The following LEPR variants were observed in gnomAD, a reference collection of about 807,000 sequenced individuals.
LEPR encodes leptin receptor.
In LEPR, 56 loss-of-function variants were observed where a neutral mutation model predicts 114.7. The observed-to-expected ratio is 0.49, with a 90% CI of 0.39 to 0.61. The LOEUF (loss-of-function observed/expected upper bound fraction) is 0.61, where lower values mean the gene tolerates loss of function less well. Ranked by LOEUF, LEPR falls within the 20% of genes least tolerant of loss-of-function variation. The pLI is 0.00. For synonymous variants in LEPR, 443 were observed against 461.4 expected (o/e 0.96, Z 0.51); for missense variants, 1,202 against 1,352.9 (o/e 0.89, Z 1.75).
intron 2 of LEPR, among the ~76,000 whole-genome samples, chr1:65,505,269 G>T (rs1456946998): frequency 6.6e-6 from 1 of 152,022 alleles, no homozygotes; most frequent in Non-Finnish European, 1.5e-5. Flanking sequence ...ACTGACAAAT[G>T]TATCAAGCAT....
intron 2 of LEPR, among the ~76,000 whole-genome samples, chr1:65,532,349 A>G (rs566179191): frequency 6.6e-6 from 1 of 152,192 alleles, no homozygotes; most frequent in Admixed American, 6.5e-5. Context: ...AGGGGAAAAG[A>G]CAGCAGGGAT....
At chr1:65,432,706 T>C (rs1298792899) in intron 2 of LEPR, 1 of 883,466 alleles carries the variant, frequency 1.1e-6, no homozygotes, top group Non-Finnish European at 1.4e-6. Flanking sequence ...AAAGCCTCAG[T>C]TAGGAGGAAT....
rs543557533 is a variant in LEPR, at chr1:65,532,086, G to A, written c.-20-33460G>A. On this transcript the variant is annotated intron_variant, in intron 2 of 19. Coordinates refer to ENST00000349533, the MANE Select transcript of LEPR (RefSeq NM_002303.6). ...TCTGATGGGTATTATCTCATTAATA[G>A]TTACTACTTTAATTACTGGTGAGAT... 3.9e-5 allele frequency among the ~76,000 whole-genome samples: 6 copies of A among 152,300 alleles called. No individual in the cohort carries two copies. The South Asian group carries it at 1.2e-3, about 32-fold the overall frequency.
intron 2 of LEPR, among the ~76,000 whole-genome samples, chr1:65,453,432 C>T (rs901710426): frequency 6.6e-6 from 1 of 152,078 alleles, no homozygotes; most frequent in African/African-American, 2.4e-5. Flanking sequence ...TATACATTTC[C>T]CTCGACGCAC....
In LEPR at chr1:65,636,917, A is replaced by G. The variant is rs1658737900; in HGVS notation, c.3400A>G (p.Ser1134Gly). 4 of 1,608,092 alleles carry G rather than the reference A, an allele frequency of 2.5e-6. No homozygotes were observed. The African/African-American group carries it at 4.0e-5, about 16-fold the overall frequency. Residue 1134 changes from serine (S) to glycine (G), a missense_variant, in exon 20 of 20, where the codon AGT (serine) becomes GGT (glycine). Ser to Gly is a moderately conservative substitution (Grantham distance 56). Coordinates refer to ENST00000349533, the MANE Select transcript of LEPR (RefSeq NM_002303.6). Reference protein sequence around the residue: ...VENNINLGTSSKKTFASYMPQ... With the variant: ...VENNINLGTSGKKTFASYMPQ... Reference sequence around the variant, plus strand: ...AAATAATATCAACTTAGGAACTTCTAGTAAGAAGACTTTTGCATCTTACAT... The same window carrying G: ...AAATAATATCAACTTAGGAACTTCTGGTAAGAAGACTTTTGCATCTTACAT...
At chr1:65,479,428 G>A (rs1647193510) in intron 2 of LEPR, among the ~76,000 whole-genome samples, 2 of 152,250 alleles carry the variant, frequency 1.3e-5, no homozygotes, top group African/African-American at 2.4e-5. Flanking sequence ...TGAGGAAACC[G>A]AGAGAGGCAG....
chr1:65,571,791 CAAAAAAAAAAAAAAAA>C (rs34139057), intron 4 of LEPR, among the ~76,000 whole-genome samples: 3 of 73,692 alleles, frequency 4.1e-5, no homozygotes, highest in Non-Finnish European at 7.8e-5. Context: ...CCATCTCTAC[CAAAAAAAAAAAAAAAA>C]AAAAAAAAAA....
intron 2 of LEPR, among the ~76,000 whole-genome samples, chr1:65,456,971 C>T (rs1646884701): frequency 6.6e-6 from 1 of 152,022 alleles, no homozygotes; most frequent in Non-Finnish European, 1.5e-5. Flanking sequence ...TTTTCCATAT[C>T]TATTGTATCT....
intron 2 of LEPR, among the ~76,000 whole-genome samples, chr1:65,550,611 C>T (rs975387351): frequency 6.6e-6 from 1 of 152,192 alleles, no homozygotes; most frequent in Non-Finnish European, 1.5e-5. Context: ...GGCGTAGGAC[C>T]CTCCGAACCA....
At chr1:65,444,148 C>T (rs1646684458) in intron 2 of LEPR, among the ~76,000 whole-genome samples, 1 of 29,318 alleles carries the variant, frequency 3.4e-5, no homozygotes, top group Non-Finnish European at 1.0e-4. Flanking sequence ...TGATATTCCC[C>T]TTCCTGTGTC....
chr1:65,457,419 G>T (rs2100358783), intron 2 of LEPR, among the ~76,000 whole-genome samples: 1 of 152,006 alleles, frequency 6.6e-6, no homozygotes, highest in South Asian at 2.1e-4. Context: ...TTCAGTTTTG[G>T]AGGTTTCTAC....
At chr1:65,629,916 G>T (rs1658431844) in intron 19 of LEPR, among the ~76,000 whole-genome samples, 1 of 152,014 alleles carries the variant, frequency 6.6e-6, no homozygotes, top group South Asian at 2.1e-4. Flanking sequence ...TTTCTGGTTA[G>T]TACTGTTTCC....
chr1:65,524,567 C>T (rs1452978736), intron 2 of LEPR, among the ~76,000 whole-genome samples: 1 of 152,176 alleles, frequency 6.6e-6, no homozygotes, highest in East Asian at 1.9e-4. Context: ...AGCCGGGAGT[C>T]GTCGCTTCTG....
At chr1:65,635,185 A>C in intron 19 of LEPR, 1 of 959,052 alleles carries the variant, frequency 1.0e-6, no homozygotes, top group Non-Finnish European at 1.2e-6. Context: ...TAGTTTAAAA[A>C]TTGTAAAATT....
At chr1:65,444,830 A>G (rs1338919999) in intron 2 of LEPR, among the ~76,000 whole-genome samples, 2 of 152,220 alleles carry the variant, frequency 1.3e-5, no homozygotes, top group Admixed American at 1.3e-4. Flanking sequence ...TCATATAGTC[A>G]TTAAGAGTTT....
intron 4 of LEPR, among the ~76,000 whole-genome samples, chr1:65,572,116 A>G (rs1654226405): frequency 6.6e-6 from 1 of 151,788 alleles, no homozygotes; most frequent in Non-Finnish European, 1.5e-5. Flanking sequence ...CTTTAGAAAA[A>G]AGGAAACTGA....
chr1:65,446,190 T>C (rs1369830386), intron 2 of LEPR, among the ~76,000 whole-genome samples: 1 of 152,220 alleles, frequency 6.6e-6, no homozygotes, highest in Non-Finnish European at 1.5e-5. Context: ...GATTTTGTTT[T>C]CCAAAGTGGC....
intron 14 of LEPR, among the ~76,000 whole-genome samples, chr1:65,611,713 G>A (rs1657182166): frequency 6.6e-6 from 1 of 152,132 alleles, no homozygotes; most frequent in African/African-American, 2.4e-5. Flanking sequence ...CATTTCCTCA[G>A]CAATGCTGCC....
intron 5 of LEPR, chr1:65,577,025 G>A: frequency 3.8e-6 from 1 of 266,300 alleles, no homozygotes; most frequent in Non-Finnish European, 7.6e-6. Flanking sequence ...GCTCAGAAAG[G>A]GGAACAAGCT....
Sources: allele counts gnomAD v4.1 joint callset (sites outside exome capture counted in the v4.1 genomes callset), GRCh38; gene constraint gnomAD v4.1.1; transcripts MANE v1.5; gene names NCBI Gene and HGNC (gene_info 2026-07-23, HGNC 2026-07-21).